The following RGS6 variants were observed in gnomAD, a reference collection of about 807,000 sequenced individuals.
RGS6 encodes regulator of G-protein signaling 6.
A neutral mutation model predicts 78.5 loss-of-function variants in RGS6; 30 were observed. The ratio of observed to expected loss-of-function variants is 0.38; its 90% CI spans 0.29 to 0.52. The LOEUF is 0.52. Ranked by LOEUF, RGS6 falls within the 20% of genes least tolerant of loss-of-function variation. RGS6 has a pLI of 0.85. For missense variants in RGS6, 495 were observed against 609.7 expected, an observed-to-expected ratio of 0.81 and a Z score of 1.98; for synonymous variants, 206 against 206.0, an observed-to-expected ratio of 1.00 and a Z score of 0.00.
intron 2 of RGS6, among the ~76,000 whole-genome samples, chr14:72,306,911 T>A (rs1470575728): frequency 6.6e-6 from 1 of 152,228 alleles, no homozygotes; most frequent in Non-Finnish European, 1.5e-5. Flanking sequence ...TTGATTCCAA[T>A]TTTGAAAGAA....
Position 72,476,496 on chromosome 14 carries a change from C to T in RGS6, c.694-246C>T, listed in dbSNP as rs114526340. ...TCTATGGACCATATTTGGAGAAACA[C>T]TGAGATACAAGGAGGCTATTTTCAG... On this transcript the variant is annotated intron_variant, in intron 10 of 17. Transcript: ENST00000553525. Among the ~76,000 whole-genome samples, 413 of 152,318 alleles carry T rather than the reference C, an allele frequency of 2.7e-3. 2 individuals are homozygous for T. The highest frequency in any genetic ancestry group is 9.6e-3 in the African/African-American group (400 of 41,570).
chr14:72,619,348 T>C, the RGS6 span: 1 of 1,536,144 alleles, frequency 6.5e-7, no homozygotes, highest in Non-Finnish European at 8.7e-7. Flanking sequence ...GTTCCCAGCA[T>C]AAGTGGCAGC....
At chr14:72,573,694 C>T in the RGS6 span, among the ~76,000 whole-genome samples, 3 of 152,186 alleles carry the variant, frequency 2.0e-5, no homozygotes, top group African/African-American at 7.2e-5. Flanking sequence ...GGCCTGACTG[C>T]GGCCAGAATT....
chr14:72,522,327 C>T (rs901697838), intron 15 of RGS6, among the ~76,000 whole-genome samples: 1 of 152,162 alleles, frequency 6.6e-6, no homozygotes, highest in African/African-American at 2.4e-5. Flanking sequence ...AAAAGACCCA[C>T]CTCCAAGTAC....
At chr14:72,470,191 T>C in intron 8 of RGS6, 108 bp downstream of exon 8, 1 of 791,270 alleles carries the variant, frequency 1.3e-6, no homozygotes, top group Non-Finnish European at 2.2e-6. Context: ...CGTTAGTATT[T>C]CTAATAGGGC....
chr14:72,507,308 C>T (rs770754149), intron 13 of RGS6, among the ~76,000 whole-genome samples: 1 of 152,206 alleles, frequency 6.6e-6, no homozygotes, highest in Non-Finnish European at 1.5e-5. Flanking sequence ...AAGGAAAAGT[C>T]ATGGACCTGG....
At chr14:72,210,843 A>G (rs1231308551) in intron 2 of RGS6, among the ~76,000 whole-genome samples, 1 of 151,718 alleles carries the variant, frequency 6.6e-6, no homozygotes, top group Non-Finnish European at 1.5e-5. Flanking sequence ...TTTTTAAACC[A>G]TCATATAAAG....
chr14:72,627,625 T>C, the RGS6 span, among the ~76,000 whole-genome samples: 6 of 152,110 alleles, frequency 3.9e-5, no homozygotes, highest in Non-Finnish European at 8.8e-5. Flanking sequence ...TTTTCTTGCC[T>C]ATTTTTGCAT....
At chr14:72,195,516 A>G (rs2039876735) in intron 2 of RGS6, among the ~76,000 whole-genome samples, 1 of 152,244 alleles carries the variant, frequency 6.6e-6, no homozygotes, top group African/African-American at 2.4e-5. Flanking sequence ...GAGTCCTCAG[A>G]GTAGAGAGAA....
At chr14:72,230,591 CAG>C (rs1284816372) in intron 2 of RGS6, among the ~76,000 whole-genome samples, 1 of 152,150 alleles carries the variant, frequency 6.6e-6, no homozygotes, top group Non-Finnish European at 1.5e-5. Context: ...TACACACACA[CAG>C]AAATTTATTT....
the RGS6 span, among the ~76,000 whole-genome samples, chr14:72,620,358 T>C: frequency 1.3e-5 from 2 of 152,248 alleles, no homozygotes; most frequent in Non-Finnish European, 2.9e-5. Context: ...TCCATGACTT[T>C]ATATATTTGA....
intron 2 of RGS6, among the ~76,000 whole-genome samples, chr14:72,101,793 G>C (rs551162866): frequency 1.3e-5 from 2 of 152,322 alleles, no homozygotes; most frequent in South Asian, 4.1e-4. Context: ...GGGGCCTTTG[G>C]AAGATAATCA....
rs61083936 is a variant in RGS6, at chr14:72,537,817, A to G, written c.1368+1542A>G. 1,507 of 411,696 alleles carry G rather than the reference A, an allele frequency of 3.7e-3. 23 individuals are homozygous for G. Among genetic ancestry groups the G allele is most frequent in the African/African-American group, 0.029 (1,428 of 49,388 alleles). The allele number at this position is 411,696 out of a possible 1,614,324, so 25.5% of individuals were successfully genotyped here. Reference sequence around the variant, plus strand: ...TAGTTTAACCAGTCTAGGCCTGTCTACACACCTAGAAGAAGAGAAGCTAGA... The same window carrying G: ...TAGTTTAACCAGTCTAGGCCTGTCTGCACACCTAGAAGAAGAGAAGCTAGA... On this transcript the variant is annotated intron_variant, in intron 16 of 17. Transcript: ENST00000553525.
intron 2 of RGS6, among the ~76,000 whole-genome samples, chr14:72,187,415 G>A (rs1166237984): frequency 2.6e-5 from 4 of 152,190 alleles, no homozygotes; most frequent in Non-Finnish European, 4.4e-5. Context: ...ATTAGTAGTT[G>A]TTGGTTGTTA....
chr14:71,907,868 G>A, the RGS6 span, among the ~76,000 whole-genome samples: 20 of 152,124 alleles, frequency 1.3e-4, no homozygotes, highest in Non-Finnish European at 2.9e-4. Flanking sequence ...ATATCTGACA[G>A]GAGCCTAAAG....
chr14:72,297,426 A>T (rs901824641), intron 2 of RGS6, among the ~76,000 whole-genome samples: 13 of 144,812 alleles, frequency 9.0e-5, no homozygotes, highest in Non-Finnish European at 1.3e-4. Flanking sequence ...TATTATTATT[A>T]TTATTTTTTT....
At position 72,388,953 on chromosome 14, in the gene RGS6, T is replaced by G. The variant is rs577306164; in HGVS notation, c.184+36759T>G. On this transcript the variant is annotated intron_variant, in intron 3 of 17. Transcript: ENST00000553525. ...TGTATACTGTAAGTGATTCCCATTA[T>G]TAGTAGTAGTAGTAGTATTGTTACT... Among the ~76,000 whole-genome samples the G allele has an allele frequency of 2.4e-4, 37 of 152,034 alleles. No individual in the cohort carries two copies. In the South Asian group the frequency reaches 3.5e-3, roughly 14 times the overall value.
Position 71,984,699 on chromosome 14 carries a change from A to G in RGS6, c.84+19824A>G, listed in dbSNP as rs560005884. 4.4e-4 allele frequency among the ~76,000 whole-genome samples: 67 copies of G among 152,284 alleles called. 2 individuals carry two copies. The highest frequency in any genetic ancestry group is 9.8e-4 in the Admixed American group (15 of 15,292). On this transcript the variant is annotated intron_variant, in intron 2 of 17. Coordinates refer to ENST00000553525, the MANE Select transcript of RGS6 (RefSeq NM_001204424.2). ...GAAAATATATTTTATAACACTATAT[A>G]TAAGATACGTGCTTTATATAATTAT...
chr14:72,453,635 A>T lies in RGS6; in HGVS notation c.185-893A>T, dbSNP rs2095554581. Among the ~76,000 whole-genome samples, 4 of 146,230 alleles carry T rather than the reference A, an allele frequency of 2.7e-5. No homozygotes were observed. In the South Asian group the frequency reaches 8.9e-4, roughly 33 times the overall value. On this transcript the variant is annotated intron_variant, in intron 3 of 17. Transcript: ENST00000553525. ...CGTCTCAAAAAAAAAAAAAAAAAAA[A>T]AAAAAGTTCCTTCAGACTCTTAAGA...
Sources: gnomAD v4.1 joint callset for allele counts (sites outside exome capture counted in the v4.1 genomes callset) on GRCh38, gnomAD v4.1.1 for gene constraint, MANE v1.5 for transcripts, NCBI Gene and HGNC (gene_info 2026-07-23, HGNC 2026-07-21) for gene names.